Variants in RHOA observed in about 807,000 individuals in gnomAD.
RHOA encodes ras homolog family member A, also known as transforming protein RhoA.
RHOA carries 3 observed loss-of-function variants against 17.5 expected under a neutral mutation model. The ratio of observed to expected loss-of-function variants is 0.17; its 90% CI spans 0.08 to 0.44. RHOA has a LOEUF of 0.44. Ranked by LOEUF, RHOA falls within the 20% of genes least tolerant of loss-of-function variation. The probability of loss-of-function intolerance (pLI) is 0.99; values close to 1 mark genes in which losing one functional copy is unlikely to be tolerated. For missense variants in RHOA, 56 were observed against 242.3 expected (o/e 0.23, Z 5.10); for synonymous variants, 98 against 88.4 (o/e 1.11, Z -0.61).
intron 1 of RHOA, among the ~76,000 whole-genome samples, chr3:49,411,451 C>A (rs547629340): frequency 5.3e-5 from 8 of 152,344 alleles, no homozygotes; most frequent in Admixed American, 2.0e-4. Context: ...GCGCTTTCAG[C>A]GGCCGGCTAC....
chr3:49,375,355 A>T (rs1446263654), intron 2 of RHOA, 79 bp downstream of exon 2: 1 of 1,413,760 alleles, frequency 7.1e-7, no homozygotes, highest in Non-Finnish European at 9.6e-7. Flanking sequence ...TGAAGAGGCA[A>T]AAAGCTCTAA....
chr3:49,369,197 G>A (rs1465472988), intron 2 of RHOA, among the ~76,000 whole-genome samples: 2 of 146,346 alleles, frequency 1.4e-5, no homozygotes, highest in Non-Finnish European at 3.0e-5. Context: ...CTAATTTTTC[G>A]TACTTTTAGT....
chr3:49,362,371 C>T (rs575921051), intron 4 of RHOA, 125 bp downstream of exon 4: 5 of 964,040 alleles, frequency 5.2e-6, no homozygotes, highest in Admixed American at 5.1e-5. Context: ...GTCAGAGGGC[C>T]ACAGAGGGGC....
At chr3:49,384,688 T>G (rs1575661876) in intron 1 of RHOA, among the ~76,000 whole-genome samples, 1 of 152,186 alleles carries the variant, frequency 6.6e-6, no homozygotes, top group East Asian at 1.9e-4. Flanking sequence ...GTGTTTTTTT[T>G]GTAAAGATGG....
At chr3:49,374,205 C>T (rs1251358251) in intron 2 of RHOA, among the ~76,000 whole-genome samples, 2 of 152,058 alleles carry the variant, frequency 1.3e-5, no homozygotes, top group African/African-American at 2.4e-5. Context: ...AAAAAATTAG[C>T]CAGTCTGGTG....
chr3:49,359,880 A>G lies in RHOA; in HGVS notation c.*329T>C. 1 of 304,748 alleles carries G rather than the reference A, an allele frequency of 3.3e-6. No individual in the cohort carries two copies. Among genetic ancestry groups the G allele is most frequent in the Non-Finnish European group, 6.1e-6 (1 of 162,660 alleles). The allele number at this position is 304,748 out of a possible 1,614,324, so 18.9% of individuals were successfully genotyped here. On this transcript the variant is annotated 3_prime_UTR_variant, in exon 5 of 5. Coordinates refer to ENST00000418115, the MANE Select transcript of RHOA (RefSeq NM_001664.4). ...AGGCAGGACATGTTAGTTATAAAGT[A>G]GTTACAGCCTAATTCACAAAAGTTA...
intron 3 of RHOA, among the ~76,000 whole-genome samples, chr3:49,365,811 G>A (rs1230004382): frequency 2.0e-5 from 3 of 151,738 alleles, no homozygotes; most frequent in Non-Finnish European, 4.4e-5. Flanking sequence ...GGCTGGTCTC[G>A]AACTCCTGAC....
At chr3:49,398,515 C>T (rs1331992968) in intron 1 of RHOA, among the ~76,000 whole-genome samples, 1 of 151,586 alleles carries the variant, frequency 6.6e-6, no homozygotes, top group Admixed American at 6.6e-5. Flanking sequence ...GATGTTAAGC[C>T]CCAGTGGGGG....
chr3:49,393,729 T>TGTGAGAGAGA (rs1553635013), intron 1 of RHOA, among the ~76,000 whole-genome samples: 5 of 136,832 alleles, frequency 3.7e-5, no homozygotes, highest in East Asian at 2.1e-4. Flanking sequence ...TGTGTGTGTG[T>TGTGAGAGAGA]GACAGAATCT....
intron 1 of RHOA, among the ~76,000 whole-genome samples, chr3:49,394,978 G>A (rs112305186): frequency 1.1e-4 from 17 of 152,094 alleles, no homozygotes; most frequent in Middle Eastern, 3.4e-3. Context: ...GGTCGGGCGC[G>A]GTGGCTCACG....
chr3:49,360,151 A>T lies in RHOA; in HGVS notation c.*58T>A. 1.3e-6 allele frequency: 2 copies of T among 1,490,312 alleles called. No homozygotes were observed. Among genetic ancestry groups the T allele is most frequent in the Admixed American group, 4.2e-5 (2 of 47,266 alleles). The allele number at this position is 1,490,312 out of a possible 1,614,324, so 92.3% of individuals were successfully genotyped here. A position where few individuals can be genotyped will look rare whatever the true frequency, so the allele number is the denominator to read the frequency against. ...GAAAAAGGCCAGTAATCATACACTA[A>T]GATTAATAAACAGCACTTCAAAATT... On this transcript the variant is annotated 3_prime_UTR_variant, in exon 5 of 5. Coordinates refer to ENST00000418115, the MANE Select transcript of RHOA (RefSeq NM_001664.4).
At chr3:49,393,962 C>T (rs1200546576) in intron 1 of RHOA, among the ~76,000 whole-genome samples, 1 of 151,660 alleles carries the variant, frequency 6.6e-6, no homozygotes, top group African/African-American at 2.4e-5. Context: ...GCTCCACCTC[C>T]CGGGTTCACG....
chr3:49,390,087 T>C (rs2048471202), intron 1 of RHOA, among the ~76,000 whole-genome samples: 1 of 151,738 alleles, frequency 6.6e-6, no homozygotes, highest in Non-Finnish European at 1.5e-5. Context: ...CCATCTATAA[T>C]ACCCACAGAC....
chr3:49,403,042 A>AT (rs2048751718), intron 1 of RHOA, among the ~76,000 whole-genome samples: 1 of 150,864 alleles, frequency 6.6e-6, no homozygotes, highest in Non-Finnish European at 1.5e-5. Context: ...ATCTCATAAA[A>AT]AAAAAAAAAA....
intron 1 of RHOA, among the ~76,000 whole-genome samples, chr3:49,406,979 C>A (rs899917921): frequency 6.6e-6 from 1 of 151,824 alleles, no homozygotes; most frequent in Admixed American, 6.6e-5. Flanking sequence ...CCCGTCTTTA[C>A]TAAAAATACA....
At position 49,398,905 on chromosome 3, in the gene RHOA, C is replaced by A. The variant is rs868306378; in HGVS notation, c.-3+12915G>T. Among the ~76,000 whole-genome samples, 14 of 119,426 alleles carry A rather than the reference C, an allele frequency of 1.2e-4. 1 individual carries two copies. The South Asian group carries it at 4.2e-3, about 36-fold the overall frequency. 78.3% of individuals were successfully genotyped at this position (119,426 alleles called of 152,430 possible). On this transcript the variant is annotated intron_variant, in intron 1 of 4. Transcript: ENST00000418115. ...CTGTCTGAGTATTACAGTATTATTA[C>A]AGGGCTTTAATACTGGTGGCTCACG...
rs1382483567 is a variant in RHOA, at chr3:49,360,099, G to A, written c.*110C>T. The stretch of plus-strand genomic sequence containing the variant: ...CTGGTAGCAAGATGACTTCTGATTT[G>A]TAATCTTAGGTAAATTATAGATAAA... On this transcript the variant is annotated 3_prime_UTR_variant, in exon 5 of 5. Transcript: ENST00000418115. 1 of 1,203,252 alleles carries A rather than the reference G, an allele frequency of 8.3e-7. No homozygotes were observed. The highest frequency in any genetic ancestry group is 1.2e-6 in the Non-Finnish European group (1 of 861,652). 74.5% of individuals were successfully genotyped at this position (1,203,252 alleles called of 1,614,324 possible). A position where few individuals can be genotyped will look rare whatever the true frequency, so the allele number is the denominator to read the frequency against.
At chr3:49,403,455 C>T (rs553811193) in intron 1 of RHOA, among the ~76,000 whole-genome samples, 4 of 152,106 alleles carry the variant, frequency 2.6e-5, no homozygotes, top group African/African-American at 9.7e-5. Context: ...TGGCTCATGC[C>T]TATAATCCCA....
chr3:49,408,119 A>G (rs2048865504), intron 1 of RHOA, among the ~76,000 whole-genome samples: 1 of 151,792 alleles, frequency 6.6e-6, no homozygotes, highest in Admixed American at 6.6e-5. Context: ...AGATGGCGCT[A>G]CTGCACTCTG....
Sources: allele counts gnomAD v4.1 joint callset (sites outside exome capture counted in the v4.1 genomes callset), GRCh38; gene constraint gnomAD v4.1.1; transcripts MANE v1.5; gene names NCBI Gene and HGNC (gene_info 2026-07-23, HGNC 2026-07-21).